GRIA3: variants seen among roughly 807,000 people sequenced by gnomAD.
The protein encoded by GRIA3 is glutamate receptor 3.
Under a neutral mutation model 63.0 loss-of-function variants are expected in GRIA3, and 3 were observed. The observed-to-expected ratio is 0.05, with a 90% confidence interval of 0.02 to 0.12. The LOEUF (loss-of-function observed/expected upper bound fraction) is 0.12. GRIA3 is among the 10% of genes least tolerant of loss of function. The pLI, the probability that GRIA3 is intolerant of heterozygous loss-of-function variation, is 1.00. For missense variants in GRIA3, 347 were observed against 700.9 expected (o/e 0.50, Z 5.70); for synonymous variants, 274 against 257.9 (o/e 1.06, Z -0.60).
intron 4 of GRIA3, among the ~76,000 whole-genome samples, chrX:123,351,577 T>C (rs1311426925): frequency 5.4e-5 from 6 of 111,953 alleles, no homozygotes; most frequent in Non-Finnish European, 1.9e-5. Context: ...TCCATGATTA[T>C]ACTGTGCACT....
At chrX:123,438,064 C>T (rs1169606051) in intron 12 of GRIA3, among the ~76,000 whole-genome samples, 1 of 111,864 alleles carries the variant, frequency 8.9e-6, no homozygotes, top group Non-Finnish European at 1.9e-5. Flanking sequence ...CTAATTGCAT[C>T]CACAATGTTA....
intron 3 of GRIA3, among the ~76,000 whole-genome samples, chrX:123,325,544 T>G (rs1415684094): frequency 9.0e-6 from 1 of 111,722 alleles, no homozygotes; most frequent in Non-Finnish European, 1.9e-5. Context: ...ATTATTTTAC[T>G]TGGGAGACAT....
intron 12 of GRIA3, among the ~76,000 whole-genome samples, chrX:123,440,067 T>G (rs1211962556): frequency 8.9e-6 from 1 of 112,181 alleles, no homozygotes; most frequent in East Asian, 2.8e-4. Context: ...TGTTCCTGCA[T>G]CAGTTTGCTA....
At chrX:123,310,772 G>T (rs1417540216) in intron 3 of GRIA3, among the ~76,000 whole-genome samples, 1 of 112,212 alleles carries the variant, frequency 8.9e-6, no homozygotes, top group African/African-American at 3.2e-5. Flanking sequence ...GGAGGCCAAG[G>T]CGGGCGGATC....
intron 9 of GRIA3, among the ~76,000 whole-genome samples, chrX:123,403,825 G>A (rs1368982488): frequency 9.0e-6 from 1 of 111,484 alleles, no homozygotes; most frequent in Non-Finnish European, 1.9e-5. Flanking sequence ...ATTCTTCATT[G>A]TGGGGGAAGC....
intron 2 of GRIA3, among the ~76,000 whole-genome samples, chrX:123,214,777 A>G (rs990970329): frequency 8.9e-6 from 1 of 112,367 alleles, no homozygotes; most frequent in Non-Finnish European, 1.9e-5. Flanking sequence ...AACCTATCTG[A>G]TAGCATACCC....
chrX:123,367,819 T>C (rs763763028), intron 5 of GRIA3, among the ~76,000 whole-genome samples: 1 of 111,815 alleles, frequency 8.9e-6, no homozygotes, highest in African/African-American at 3.2e-5. Flanking sequence ...ATTTAAACCC[T>C]GAAACAAAAG....
intron 5 of GRIA3, among the ~76,000 whole-genome samples, chrX:123,380,885 C>T: frequency 9.0e-6 from 1 of 111,428 alleles, no homozygotes; most frequent in Non-Finnish European, 1.9e-5. Flanking sequence ...TTTCCCAGCA[C>T]CATTTATTAA....
chrX:123,463,700 A>G (rs1352736095), intron 12 of GRIA3, among the ~76,000 whole-genome samples: 23 of 71,101 alleles, frequency 3.2e-4, no homozygotes, highest in East Asian at 2.2e-3. Context: ...GAAAGAAAGA[A>G]AAAGAAAGAA....
At chrX:123,378,429 GA>G (rs2045300608) in intron 5 of GRIA3, among the ~76,000 whole-genome samples, 1 of 56,101 alleles carries the variant, frequency 1.8e-5, no homozygotes, top group Non-Finnish European at 3.5e-5. Flanking sequence ...TTTTTTTTTT[GA>G]GACACAGTCT....
intron 4 of GRIA3, among the ~76,000 whole-genome samples, chrX:123,332,330 A>G (rs971081286): frequency 8.9e-5 from 10 of 111,991 alleles, no homozygotes; most frequent in African/African-American, 2.9e-4. Context: ...TAACAAATAT[A>G]TATGTATTGA....
At chrX:123,239,359 G>A (rs2044317891) in intron 2 of GRIA3, among the ~76,000 whole-genome samples, 1 of 110,512 alleles carries the variant, frequency 9.0e-6, no homozygotes, top group South Asian at 3.8e-4. Context: ...AATCCATACT[G>A]AAGTAGTCAT....
intron 3 of GRIA3, among the ~76,000 whole-genome samples, chrX:123,275,559 G>T (rs910678358): frequency 8.0e-5 from 9 of 112,374 alleles, no homozygotes; most frequent in African/African-American, 2.9e-4. Context: ...AAGGTACACT[G>T]CATGGATCTA....
At chrX:123,223,056 A>G (rs2044227201) in intron 2 of GRIA3, among the ~76,000 whole-genome samples, 1 of 112,638 alleles carries the variant, frequency 8.9e-6, no homozygotes, top group African/African-American at 3.2e-5. Context: ...CCAAAGCACT[A>G]TCTGGCCTGC....
intron 5 of GRIA3, among the ~76,000 whole-genome samples, chrX:123,367,983 A>G (rs2045223412): frequency 1.8e-5 from 2 of 112,195 alleles, no homozygotes; most frequent in African/African-American, 6.5e-5. Context: ...GGATTTTCTG[A>G]TAATAAAAAT....
chrX:123,267,084 G>T (rs1225684985), intron 3 of GRIA3, among the ~76,000 whole-genome samples: 1 of 111,658 alleles, frequency 9.0e-6, no homozygotes, highest in Non-Finnish European at 1.9e-5. Flanking sequence ...AGACAAGATT[G>T]TTGTCTTATT....
At chrX:123,330,940 AAGACTTATTTAATAAAT>A (rs1484507615) in intron 4 of GRIA3, among the ~76,000 whole-genome samples, 4 of 112,363 alleles carry the variant, frequency 3.6e-5, no homozygotes, top group Non-Finnish European at 7.5e-5. Context: ...ATCCTTATAG[AAGACTTATTTAATAAAT>A]AGACTTATTT....
chrX:123,185,174 G>A lies in GRIA3; in HGVS notation c.109+530G>A, dbSNP rs996802494. On this transcript the variant is annotated intron_variant, in intron 1 of 15. Coordinates refer to ENST00000620443, the MANE Select transcript of GRIA3 (RefSeq NM_007325.5). ...CTCCCAGACCCGGGCAGCAGCAGGC[G>A]TTGGTGGTGGATGGGGTAGGAGGCG... 8.1e-5 allele frequency among the ~76,000 whole-genome samples: 9 copies of A among 111,577 alleles called. No homozygotes were observed. In the Admixed American group the frequency reaches 8.4e-4, roughly 10 times the overall value.
At chrX:123,392,822 T>C (rs1359716264) in intron 5 of GRIA3, among the ~76,000 whole-genome samples, 1 of 112,467 alleles carries the variant, frequency 8.9e-6, no homozygotes, top group African/African-American at 3.2e-5. Flanking sequence ...GATGCCTCTA[T>C]TCAGCCATCT....
Sources: gnomAD v4.1 joint callset for allele counts (sites outside exome capture counted in the v4.1 genomes callset) on GRCh38, gnomAD v4.1.1 for gene constraint, MANE v1.5 for transcripts, NCBI Gene and HGNC (gene_info 2026-07-23, HGNC 2026-07-21) for gene names.